Variants in PBRM1 observed in about 807,000 individuals in gnomAD.
PBRM1 encodes the protein protein polybromo-1.
A neutral mutation model predicts 194.5 loss-of-function variants in PBRM1; 27 were observed. That is an observed-to-expected ratio of 0.14 (90% CI 0.10 to 0.19). The LOEUF (loss-of-function observed/expected upper bound fraction) is 0.19, where lower values mean the gene tolerates loss of function less well. Ranked by LOEUF, PBRM1 falls within the 10% of genes least tolerant of loss-of-function variation. The probability of loss-of-function intolerance (pLI) is 1.00; values close to 1 mark genes in which losing one functional copy is unlikely to be tolerated. For synonymous variants in PBRM1, 655 were observed against 693.2 expected (o/e 0.94, Z 0.87); for missense variants, 1,466 against 2,077.2 (o/e 0.71, Z 5.72).
At chr3:52,629,157 A>G (rs1476097764) in intron 11 of PBRM1, 122 bp from the exon 13 acceptor site, 4 of 698,172 alleles carry the variant, frequency 5.7e-6, no homozygotes, top group Admixed American at 6.1e-5. Context: ...AATACTGATT[A>G]GGAACTTAAA....
At chr3:52,608,411 T>A (rs1421174964) in intron 16 of PBRM1, among the ~76,000 whole-genome samples, 2 of 152,234 alleles carry the variant, frequency 1.3e-5, no homozygotes, top group Non-Finnish European at 2.9e-5. Context: ...GTGCTTAGCA[T>A]GGTGCTTTAC....
At chr3:52,588,917 T>A (rs915111149) in intron 18 of PBRM1, among the ~76,000 whole-genome samples, 153 bp downstream of exon 20, 1 of 152,216 alleles carries the variant, frequency 6.6e-6, no homozygotes, top group Non-Finnish European at 1.5e-5. Flanking sequence ...ATGTTTTTCA[T>A]ATGATGGGTG....
At chr3:52,575,882 A>C (rs915231652) in intron 22 of PBRM1, among the ~76,000 whole-genome samples, 4 of 152,056 alleles carry the variant, frequency 2.6e-5, no homozygotes, top group African/African-American at 9.7e-5. Flanking sequence ...GCAAATAGTG[A>C]ATATAAATGA....
intron 11 of PBRM1, 41 bp downstream of exon 12, chr3:52,634,561 A>G (rs1208579808): frequency 1.5e-6 from 2 of 1,310,284 alleles, no homozygotes; most frequent in Non-Finnish European, 2.2e-6. Flanking sequence ...CTCAGCCACA[A>G]CAAAATAAAA....
intron 17 of PBRM1, among the ~76,000 whole-genome samples, chr3:52,594,751 G>T (rs2093406849): frequency 6.6e-6 from 1 of 152,210 alleles, no homozygotes. Context: ...GGGAGCTACT[G>T]TAAGGCAGGT....
At chr3:52,580,929 A>G (rs759141365) in intron 20 of PBRM1, among the ~76,000 whole-genome samples, 19 of 152,214 alleles carry the variant, frequency 1.2e-4, no homozygotes, top group Non-Finnish European at 2.8e-4. Context: ...AGAAAAAGCA[A>G]AAAGAAGATA....
intron 6 of PBRM1, among the ~76,000 whole-genome samples, chr3:52,649,788 T>C (rs2096437951): frequency 6.6e-6 from 1 of 152,108 alleles, no homozygotes; most frequent in South Asian, 2.1e-4. Flanking sequence ...AAGTTTTTCA[T>C]CAGAGAGGTA....
In PBRM1 at chr3:52,628,813, A is replaced by C. The variant is rs2095527442; in HGVS notation, c.1443+81T>G. ...CTGCTGAGGGTGGGGGGGATCACAC[A>C]TCTTACTAGAACACACTCAAAACAT... On this transcript the variant is annotated intron_variant, in intron 12 of 29. Transcript: ENST00000296302. The C allele has an allele frequency of 3.9e-6, 5 of 1,283,082 alleles. No individual in the cohort carries two copies. In the African/African-American group the frequency reaches 5.9e-5, roughly 15 times the overall value. The allele number at this position is 1,283,082 out of a possible 1,614,324, so 79.5% of individuals were successfully genotyped here. A position where few individuals can be genotyped will look rare whatever the true frequency, so the allele number is the denominator to read the frequency against.
upstream of PBRM1, among the ~76,000 whole-genome samples, chr3:52,682,419 ATTAC>A (rs1393901636): frequency 1.3e-5 from 2 of 152,222 alleles, no homozygotes; most frequent in Admixed American, 1.3e-4. Flanking sequence ...GGAGTTCAAA[ATTAC>A]TTTTATAAAT....
intron 2 of PBRM1, among the ~76,000 whole-genome samples, chr3:52,669,928 A>G (rs1159191307): frequency 1.3e-5 from 2 of 152,234 alleles, no homozygotes; most frequent in Non-Finnish European, 2.9e-5. Flanking sequence ...CAAAAAAATC[A>G]GAATATTGAG....
intron 2 of PBRM1, among the ~76,000 whole-genome samples, chr3:52,676,152 A>AAG (rs2097099154): frequency 2.3e-5 from 2 of 86,316 alleles, no homozygotes; most frequent in African/African-American, 3.7e-5. Context: ...AAAAAAAAAA[A>AAG]TAATGAATGA....
upstream of PBRM1, among the ~76,000 whole-genome samples, chr3:52,680,668 T>C (rs181725693): frequency 5.9e-4 from 90 of 152,236 alleles, no homozygotes; most frequent in Admixed American, 1.8e-3. Context: ...TCTTTCTTTC[T>C]TTCTTTTTTA....
intron 21 of PBRM1, among the ~76,000 whole-genome samples, chr3:52,578,307 C>T (rs1454174654): frequency 6.6e-6 from 1 of 152,138 alleles, no homozygotes; most frequent in Non-Finnish European, 1.5e-5. Context: ...GAAAAAAGCT[C>T]CCCAGGAAAA....
chr3:52,597,254 T>C (rs2093638494), intron 17 of PBRM1, among the ~76,000 whole-genome samples: 1 of 152,224 alleles, frequency 6.6e-6, no homozygotes, highest in Admixed American at 6.5e-5. Context: ...GTACTGTGAT[T>C]GTTTACCTGA....
chr3:52,556,179 C>A (rs1463908823), intron 26 of PBRM1, among the ~76,000 whole-genome samples: 3 of 152,168 alleles, frequency 2.0e-5, no homozygotes. Flanking sequence ...AAAGTTTAGT[C>A]TTTTAAGGCT....
At chr3:52,574,212 A>G (rs1416416674) in intron 22 of PBRM1, among the ~76,000 whole-genome samples, 2 of 152,232 alleles carry the variant, frequency 1.3e-5, no homozygotes, top group Non-Finnish European at 2.9e-5. Flanking sequence ...TTGCTATGTC[A>G]TCATATTTCA....
Position 52,642,047 on chromosome 3 carries a change from T to TATAAAA in PBRM1, c.996-3_996-2insTTTTAT. 3 of 1,352,276 alleles carry TATAAAA rather than the reference T, an allele frequency of 2.2e-6. No individual in the cohort carries two copies. The highest frequency in any genetic ancestry group is 2.1e-6 in the Non-Finnish European group (2 of 969,848). The allele number at this position is 1,352,276 out of a possible 1,614,324, so 83.8% of individuals were successfully genotyped here. ...CCTCCTTGTACTGCTCTTTTATTAC[T>TATAAAA]ACAAAAAAAAAAAAAGCAATTAGAC... On this transcript the variant is annotated splice_polypyrimidine_tract_variant and splice_region_variant and intron_variant, in intron 9 of 29. Transcript: ENST00000296302.
chr3:52,634,800 T>C, exon 11 of PBRM1: 4 of 1,613,488 alleles, frequency 2.5e-6, no homozygotes, highest in Non-Finnish European at 3.4e-6. Context: ...TGACTCTCCC[T>C]CTTCATAGCG....
exon 28 of PBRM1, chr3:52,550,750 T>C (rs1275748981): frequency 6.2e-7 from 1 of 1,610,238 alleles, no homozygotes; most frequent in Admixed American, 1.7e-5. Context: ...GGCTCACCTG[T>C]TGTCCATATG....
Sources: gnomAD v4.1 joint callset for allele counts (sites outside exome capture counted in the v4.1 genomes callset) on GRCh38, gnomAD v4.1.1 for gene constraint, MANE v1.5 for transcripts, NCBI Gene and HGNC (gene_info 2026-07-23, HGNC 2026-07-21) for gene names.